The following ANKS1B variants were observed in gnomAD, a reference collection of about 807,000 sequenced individuals.
ANKS1B encodes ankyrin repeat and sterile alpha motif domain-containing protein 1B.
ANKS1B carries 36 observed loss-of-function variants against 148.3 expected under a neutral mutation model. The ratio of observed to expected loss-of-function variants is 0.24; its 90% confidence interval spans 0.19 to 0.32. The LOEUF is 0.32. Among genes scored for constraint, ANKS1B ranks in the 10% least tolerant of loss-of-function variants. The pLI, the probability that ANKS1B is intolerant of heterozygous loss-of-function variation, is 1.00. For missense variants in ANKS1B, 1,157 were observed against 1,542.6 expected, an observed-to-expected ratio of 0.75 and a Z score of 4.19; for synonymous variants, 542 against 560.8, an observed-to-expected ratio of 0.97 and a Z score of 0.47.
At chr12:98,807,948 G>C in intron 19 of ANKS1B, 30 bp from the exon 20 acceptor site, 1 of 1,571,890 alleles carries the variant, frequency 6.4e-7, no homozygotes, top group Non-Finnish European at 8.7e-7. Flanking sequence ...ATCTTATCTT[G>C]TCAATATTTA....
intron 17 of ANKS1B, among the ~76,000 whole-genome samples, chr12:98,975,834 C>G (rs1257119168): frequency 6.6e-6 from 1 of 152,044 alleles, no homozygotes; most frequent in Non-Finnish European, 1.5e-5. Flanking sequence ...GTAGGAAGGC[C>G]AGTGTGGTTG....
At chr12:99,815,407 T>C (rs1316128374) in intron 2 of ANKS1B, among the ~76,000 whole-genome samples, 1 of 151,878 alleles carries the variant, frequency 6.6e-6, no homozygotes, top group Non-Finnish European at 1.5e-5. Flanking sequence ...AACTACACAT[T>C]ATTTACACAT....
intron 15 of ANKS1B, among the ~76,000 whole-genome samples, chr12:99,126,447 G>A (rs2064368025): frequency 1.3e-5 from 2 of 152,074 alleles, no homozygotes; most frequent in Admixed American, 6.6e-5. Flanking sequence ...CAAATTTTCT[G>A]TGCAATTCCG....
At position 99,984,856 on chromosome 12, in the gene ANKS1B, G is replaced by T. The variant is rs2095754858; in HGVS notation, c.-619C>A. On this transcript the variant is annotated 5_prime_UTR_variant, in exon 1 of 27. Coordinates refer to ENST00000683438, the MANE Select transcript of ANKS1B (RefSeq NM_001352186.2). ...GCGGGCGCGTGCCGAGGGCGGCGGC[G>T]GCGGCGAGGCCTGGCGCGCGGGGGG... Among the ~76,000 whole-genome samples, 1 of 146,816 alleles carries T rather than the reference G, an allele frequency of 6.8e-6. No individual in the cohort carries two copies. The highest frequency in any genetic ancestry group is 2.4e-5 in the African/African-American group (1 of 40,926).
chr12:99,718,143 G>A (rs1031689302), intron 8 of ANKS1B, among the ~76,000 whole-genome samples: 12 of 151,520 alleles, frequency 7.9e-5, no homozygotes, highest in Non-Finnish European at 1.3e-4. Context: ...CTCGTGATCC[G>A]CCCGCCTCTG....
chr12:99,005,702 G>A (rs887976837), intron 17 of ANKS1B, among the ~76,000 whole-genome samples: 7 of 152,160 alleles, frequency 4.6e-5, no homozygotes, highest in Admixed American at 2.0e-4. Flanking sequence ...TTGTATTCCT[G>A]TTTAGGAATG....
At chr12:99,955,415 C>A in intron 1 of ANKS1B, among the ~76,000 whole-genome samples, 1 of 142,712 alleles carries the variant, frequency 7.0e-6, no homozygotes, top group Non-Finnish European at 1.5e-5. Flanking sequence ...ATGGCGTGAA[C>A]CCGGGAGGCG....
chr12:99,709,345 G>A (rs921200088), intron 8 of ANKS1B, among the ~76,000 whole-genome samples: 2 of 152,164 alleles, frequency 1.3e-5, no homozygotes, highest in Admixed American at 1.3e-4. Context: ...AAGACTCTGA[G>A]CAGATTTTGA....
chr12:99,683,890 C>T (rs1336868801), intron 8 of ANKS1B, among the ~76,000 whole-genome samples: 1 of 152,148 alleles, frequency 6.6e-6, no homozygotes, highest in Admixed American at 6.6e-5. Flanking sequence ...ACAGAAAAAG[C>T]ATTTGACAAA....
At chr12:99,781,667 T>A (rs1479847349) in intron 5 of ANKS1B, among the ~76,000 whole-genome samples, 1 of 152,186 alleles carries the variant, frequency 6.6e-6, no homozygotes, top group African/African-American at 2.4e-5. Flanking sequence ...TATTATGTTC[T>A]TCAATAAATC....
intron 11 of ANKS1B, among the ~76,000 whole-genome samples, chr12:99,412,550 G>T (rs7974943): frequency 0.41 from 61,604 of 152,002 alleles, 12,906 homozygotes; most frequent in East Asian, 0.5. Context: ...AGTGTTGGAT[G>T]GTGGGCTTTT....
intron 1 of ANKS1B, among the ~76,000 whole-genome samples, chr12:99,907,939 A>G (rs763937770): frequency 1.3e-5 from 2 of 152,160 alleles, no homozygotes; most frequent in Non-Finnish European, 2.9e-5. Context: ...ATAACAAATC[A>G]CAGAATTTTA....
chr12:98,895,540 C>G (rs894945891), intron 17 of ANKS1B, among the ~76,000 whole-genome samples: 1 of 152,222 alleles, frequency 6.6e-6, no homozygotes, highest in Admixed American at 6.5e-5. Flanking sequence ...ACTAACCAAG[C>G]GACTTCGTGT....
intron 8 of ANKS1B, among the ~76,000 whole-genome samples, chr12:99,740,858 C>T (rs1166042356): frequency 6.6e-6 from 1 of 152,084 alleles, no homozygotes; most frequent in African/African-American, 2.4e-5. Context: ...AGGAACAGTG[C>T]ACTCCGGCCC....
intron 9 of ANKS1B, among the ~76,000 whole-genome samples, chr12:99,593,122 T>C (rs913037279): frequency 2.0e-5 from 3 of 151,980 alleles, no homozygotes; most frequent in African/African-American, 4.8e-5. Flanking sequence ...AGTTCAAAAA[T>C]AGAGGAGAGT....
At chr12:99,297,218 C>T (rs1308491273) in intron 12 of ANKS1B, among the ~76,000 whole-genome samples, 1 of 152,098 alleles carries the variant, frequency 6.6e-6, no homozygotes, top group Non-Finnish European at 1.5e-5. Context: ...AAATACTAGT[C>T]ATAATTTTGA....
chr12:98,936,179 T>G (rs1423094645), intron 17 of ANKS1B, among the ~76,000 whole-genome samples: 4 of 152,006 alleles, frequency 2.6e-5, no homozygotes, highest in Admixed American at 2.0e-4. Flanking sequence ...TCTTAGGGAG[T>G]AAAAATTATC....
intron 15 of ANKS1B, among the ~76,000 whole-genome samples, chr12:99,091,108 G>A (rs1392832704): frequency 6.6e-6 from 1 of 152,006 alleles, no homozygotes; most frequent in Non-Finnish European, 1.5e-5. Flanking sequence ...AGACTATGTG[G>A]ACTATTGATT....
At chr12:99,063,348 TA>T (rs1478729720) in intron 16 of ANKS1B, among the ~76,000 whole-genome samples, 1 of 152,104 alleles carries the variant, frequency 6.6e-6, no homozygotes, top group Non-Finnish European at 1.5e-5. Context: ...GTCCTGAAAA[TA>T]AACGAGGACA....
Sources: allele counts gnomAD v4.1 joint callset (sites outside exome capture counted in the v4.1 genomes callset), GRCh38; gene constraint gnomAD v4.1.1; transcripts MANE v1.5; gene names NCBI Gene and HGNC (gene_info 2026-07-23, HGNC 2026-07-21).